LARGE1: variants seen among roughly 807,000 people sequenced by gnomAD.
LARGE1 encodes the protein xylosyl- and glucuronyltransferase LARGE1.
Under a neutral mutation model 87.6 loss-of-function variants are expected in LARGE1, and 43 were observed. That is an observed-to-expected ratio of 0.49 (90% CI 0.38 to 0.63). LARGE1 has a LOEUF of 0.63. Ranked by LOEUF, LARGE1 falls within the 30% of genes least tolerant of loss-of-function variation. The probability of loss-of-function intolerance (pLI) is 0.00; values close to 1 mark genes in which losing one functional copy is unlikely to be tolerated. For synonymous variants in LARGE1, 434 were observed against 394.6 expected, an observed-to-expected ratio of 1.10 and a Z score of -1.18; for missense variants, 802 against 1,000.2, an observed-to-expected ratio of 0.80 and a Z score of 2.67.
chr22:33,559,371 G>A (rs535656059), intron 6 of LARGE1, among the ~76,000 whole-genome samples: 2 of 152,230 alleles, frequency 1.3e-5, no homozygotes, highest in East Asian at 1.9e-4. Flanking sequence ...TAGTAGAGAC[G>A]GGGTTTCGCC....
intron 2 of LARGE1, among the ~76,000 whole-genome samples, chr22:33,665,896 A>T (rs2081254283): frequency 2.7e-3 from 1 of 368 alleles, no homozygotes; most frequent in Non-Finnish European, 0.016. Flanking sequence ...CGTCTCAAGA[A>T]AAAAGAAAAA....
the LARGE1 span, among the ~76,000 whole-genome samples, chr22:33,112,051 G>C: frequency 9.2e-5 from 14 of 152,358 alleles, no homozygotes; most frequent in South Asian, 2.3e-3. Context: ...TATCCCAAGA[G>C]AAGGGAGGAG....
intron 11 of LARGE1, among the ~76,000 whole-genome samples, chr22:33,183,634 A>ACG (rs1246387847): frequency 0.016 from 2,312 of 146,478 alleles, 31 homozygotes; most frequent in African/African-American, 0.045. Flanking sequence ...ACACACACAC[A>ACG]CACACACACA....
intron 6 of LARGE1, among the ~76,000 whole-genome samples, chr22:33,459,314 C>T (rs924624704): frequency 6.6e-5 from 10 of 152,134 alleles, no homozygotes; most frequent in African/African-American, 2.4e-4. Context: ...TTCTTCCCTC[C>T]AAATGCACAG....
intron 10 of LARGE1, chr22:33,322,917 T>C (rs1936889705): frequency 6.6e-6 from 1 of 152,132 alleles, no homozygotes; most frequent in African/African-American, 2.4e-5. Flanking sequence ...GGTCAGGAGA[T>C]CGAGACCATT....
chr22:33,910,233 G>A (rs2065591231), intron 1 of LARGE1, among the ~76,000 whole-genome samples: 2 of 152,180 alleles, frequency 1.3e-5, no homozygotes, highest in South Asian at 4.1e-4. Context: ...AATAAATGTT[G>A]AGTGGAGGAG....
At chr22:33,768,769 G>A (rs1230023908) in intron 1 of LARGE1, among the ~76,000 whole-genome samples, 2 of 152,122 alleles carry the variant, frequency 1.3e-5, no homozygotes, top group Non-Finnish European at 2.9e-5. Flanking sequence ...TAAGACCAAG[G>A]AATGTTTACA....
chr22:33,674,618 C>T (rs757301013), intron 2 of LARGE1, among the ~76,000 whole-genome samples: 3 of 152,208 alleles, frequency 2.0e-5, no homozygotes, highest in Non-Finnish European at 2.9e-5. Context: ...TCTCATCCAT[C>T]TCTCCCACTG....
intron 11 of LARGE1, among the ~76,000 whole-genome samples, chr22:33,224,621 G>C (rs1925638878): frequency 6.6e-6 from 1 of 152,176 alleles, no homozygotes; most frequent in African/African-American, 2.4e-5. Context: ...ACTTTGAGTA[G>C]TGTGGGCCTA....
At chr22:33,127,914 A>T in the LARGE1 span, among the ~76,000 whole-genome samples, 1 of 152,178 alleles carries the variant, frequency 6.6e-6, no homozygotes, top group Non-Finnish European at 1.5e-5. Context: ...ACTGTAAGTT[A>T]ATGTTGTTCA....
At chr22:33,174,613 GA>G (rs1922761309) in intron 11 of LARGE1, among the ~76,000 whole-genome samples, 1 of 151,964 alleles carries the variant, frequency 6.6e-6, no homozygotes, top group African/African-American at 2.4e-5. Flanking sequence ...AATAAAGAAG[GA>G]AAGAGAGAAG....
chr22:33,379,087 T>C (rs1470338834), intron 9 of LARGE1, among the ~76,000 whole-genome samples: 1 of 151,972 alleles, frequency 6.6e-6, no homozygotes, highest in Admixed American at 6.6e-5. Context: ...TCATCAAATC[T>C]TGTTATTCAA....
intron 11 of LARGE1, among the ~76,000 whole-genome samples, chr22:33,266,286 A>G (rs944064251): frequency 1.6e-5 from 2 of 128,454 alleles, no homozygotes; most frequent in East Asian, 2.2e-4. Flanking sequence ...CAATGGTGCT[A>G]TCTCGGCTCA....
chr22:33,395,896 T>C (rs2065724168), intron 7 of LARGE1, among the ~76,000 whole-genome samples: 1 of 152,226 alleles, frequency 6.6e-6, no homozygotes, highest in Non-Finnish European at 1.5e-5. Flanking sequence ...TTTTGATATA[T>C]CAGTGTGCAC....
At chr22:33,378,003 T>G (rs772187886) in intron 9 of LARGE1, among the ~76,000 whole-genome samples, 7 of 152,204 alleles carry the variant, frequency 4.6e-5, no homozygotes, top group Non-Finnish European at 1.0e-4. Context: ...ATGTTTTATA[T>G]CTGGTAAGTC....
At chr22:33,590,013 T>C (rs897768204) in intron 5 of LARGE1, among the ~76,000 whole-genome samples, 2 of 152,236 alleles carry the variant, frequency 1.3e-5, no homozygotes, top group African/African-American at 4.8e-5. Flanking sequence ...TTCCATATGA[T>C]AGGCAGTTCA....
intron 1 of LARGE1, among the ~76,000 whole-genome samples, chr22:33,796,714 G>A (rs1354330770): frequency 6.6e-6 from 1 of 151,372 alleles, no homozygotes; most frequent in Non-Finnish European, 1.5e-5. Context: ...AACAGAGCCA[G>A]GTGGAGGAGG....
At chr22:33,836,518 G>A (rs772940109) in intron 1 of LARGE1, among the ~76,000 whole-genome samples, 4 of 151,978 alleles carry the variant, frequency 2.6e-5, no homozygotes, top group Non-Finnish European at 5.9e-5. Context: ...TGCTGTACCA[G>A]ACCAGGCCCG....
the LARGE1 span, among the ~76,000 whole-genome samples, chr22:33,086,952 G>A: frequency 5.3e-5 from 8 of 152,246 alleles, no homozygotes; most frequent in Admixed American, 5.2e-4. Context: ...ATGCCAGGTG[G>A]CTAGTTCAGT....
Sources: gnomAD v4.1 joint callset for allele counts (sites outside exome capture counted in the v4.1 genomes callset) on GRCh38, gnomAD v4.1.1 for gene constraint, MANE v1.5 for transcripts, NCBI Gene and HGNC (gene_info 2026-07-23, HGNC 2026-07-21) for gene names.